The following KIAA1328 variants were observed in gnomAD, a reference collection of about 807,000 sequenced individuals.
The protein encoded by KIAA1328 is KIAA1328.
Under a neutral mutation model 68.1 loss-of-function variants are expected in KIAA1328, and 52 were observed. The ratio of observed to expected loss-of-function variants is 0.76; its 90% CI spans 0.61 to 0.96. The LOEUF (loss-of-function observed/expected upper bound fraction) is 0.96, where lower values mean the gene tolerates loss of function less well. KIAA1328 is among the 40% of genes least tolerant of loss of function. The pLI, the probability that KIAA1328 is intolerant of heterozygous loss-of-function variation, is 0.00. For missense variants in KIAA1328, 641 were observed against 677.6 expected (o/e 0.95, Z 0.60); for synonymous variants, 232 against 239.4 (o/e 0.97, Z 0.28).
At chr18:36,963,339 G>A (rs983615541) in intron 6 of KIAA1328, among the ~76,000 whole-genome samples, 1 of 152,166 alleles carries the variant, frequency 6.6e-6, no homozygotes, top group Admixed American at 6.5e-5. Flanking sequence ...GCATGACATA[G>A]ATGTGTGAAG....
intron 4 of KIAA1328, among the ~76,000 whole-genome samples, chr18:36,883,266 G>C (rs1475283734): frequency 6.6e-6 from 1 of 152,120 alleles, no homozygotes; most frequent in African/African-American, 2.4e-5. Context: ...AATGTTTTGA[G>C]CACTGGCGTG....
intron 8 of KIAA1328, among the ~76,000 whole-genome samples, chr18:37,168,234 G>A (rs2059429254): frequency 6.6e-6 from 1 of 152,236 alleles, no homozygotes; most frequent in African/African-American, 2.4e-5. Context: ...CCAAGGACAA[G>A]GAGAGGTATT....
intron 6 of KIAA1328, among the ~76,000 whole-genome samples, chr18:37,037,208 A>T (rs1356721226): frequency 1.3e-5 from 2 of 152,308 alleles, no homozygotes; most frequent in East Asian, 3.9e-4. Context: ...CTTTTCAGCT[A>T]ATCGACTCTA....
At chr18:37,160,144 T>C in intron 7 of KIAA1328, 56 bp from the exon 8 acceptor site, 1 of 1,403,124 alleles carries the variant, frequency 7.1e-7, no homozygotes, top group Non-Finnish European at 9.7e-7. Context: ...TAAATATCTA[T>C]GTGCTCTGTG....
Position 37,223,416 on chromosome 18 carries a change from C to T in KIAA1328, c.*1189C>T. The T allele has an allele frequency of 2.0e-6, 2 of 985,422 alleles. No homozygotes were observed. Among genetic ancestry groups the T allele is most frequent in the South Asian group, 4.7e-5 (1 of 21,292 alleles). 61.0% of individuals were successfully genotyped at this position (985,422 alleles called of 1,614,324 possible). A position where few individuals can be genotyped will look rare whatever the true frequency, so the allele number is the denominator to read the frequency against. On this transcript the variant is annotated 3_prime_UTR_variant, in exon 10 of 10. Transcript: ENST00000280020. ...CTCTTGAGATGGGTCCTTCAGCTTG[C>T]AGTGGTCCCTAGTAGCCTCTCAAGC...
At chr18:36,929,557 G>A (rs973990983) in intron 5 of KIAA1328, among the ~76,000 whole-genome samples, 1 of 152,010 alleles carries the variant, frequency 6.6e-6, no homozygotes, top group Admixed American at 6.5e-5. Flanking sequence ...TCATAGGTAG[G>A]TGTTATGCAC....
intron 8 of KIAA1328, among the ~76,000 whole-genome samples, chr18:37,164,954 A>G (rs1047486050): frequency 3.9e-5 from 6 of 152,270 alleles, no homozygotes; most frequent in Middle Eastern, 3.4e-3. Flanking sequence ...TCCATTTTCA[A>G]TAAATCCTCA....
In KIAA1328 at chr18:37,088,854, G is replaced by A. The variant is rs1272524864; in HGVS notation, c.1232+21309G>A. ...AATGTCAACATATCTCTTATAAAAA[G>A]TAAAACATCAAAGACATATTAAGAA... On this transcript the variant is annotated intron_variant, in intron 7 of 9. Transcript: ENST00000280020. Among the ~76,000 whole-genome samples the A allele has an allele frequency of 2.6e-5, 4 of 152,018 alleles. No homozygotes were observed. The South Asian group carries it at 8.3e-4, about 32-fold the overall frequency.
At chr18:36,929,582 C>A (rs1440260338) in intron 5 of KIAA1328, among the ~76,000 whole-genome samples, 1 of 151,878 alleles carries the variant, frequency 6.6e-6, no homozygotes, top group African/African-American at 2.4e-5. Context: ...TATTAGTGTC[C>A]CCCTAAATTT....
intron 6 of KIAA1328, among the ~76,000 whole-genome samples, chr18:37,054,975 G>T (rs1599100066): frequency 1.3e-5 from 2 of 152,136 alleles, no homozygotes; most frequent in African/African-American, 4.8e-5. Flanking sequence ...CCTTCTGTGT[G>T]CCTATATTCT....
intron 5 of KIAA1328, among the ~76,000 whole-genome samples, chr18:36,910,546 C>G (rs562869713): frequency 6.6e-6 from 1 of 152,236 alleles, no homozygotes; most frequent in African/African-American, 2.4e-5. Context: ...AGTTTGAAGT[C>G]AGGTAGCGTG....
chr18:36,890,961 G>A (rs545603743), intron 5 of KIAA1328, among the ~76,000 whole-genome samples: 55 of 152,236 alleles, frequency 3.6e-4, no homozygotes, highest in Admixed American at 7.8e-4. Flanking sequence ...GAGCCGAGAA[G>A]GAAGTGATTA....
At position 37,173,045 on chromosome 18, in the gene KIAA1328, C is replaced by T. The variant is rs1170695526; in HGVS notation, c.1487C>T (p.Thr496Ile). Residue 496 changes from threonine to isoleucine, a missense_variant, in exon 9 of 10, where the codon ACC becomes ATC. Coordinates refer to ENST00000280020, the MANE Select transcript of KIAA1328 (RefSeq NM_020776.3). ...MPTGSLKDFV[T>I]TASPSLQHTT... The stretch of plus-strand genomic sequence containing the variant: ...ACAGGAAGCCTAAAGGATTTTGTCA[C>T]CACAGCCTCACCATCATTACAGCAC... 1.9e-6 allele frequency: 3 copies of T among 1,613,488 alleles called. No individual in the cohort carries two copies. Among genetic ancestry groups the T allele is most frequent in the Non-Finnish European group, 2.5e-6 (3 of 1,179,552 alleles).
intron 6 of KIAA1328, among the ~76,000 whole-genome samples, chr18:36,974,541 C>T (rs1383643078): frequency 1.3e-5 from 2 of 152,114 alleles, no homozygotes; most frequent in East Asian, 1.9e-4. Context: ...TTTTTCTAAT[C>T]ATCCATTGAT....
chr18:37,185,720 T>TACACAC (rs34348149), intron 9 of KIAA1328, among the ~76,000 whole-genome samples: 377 of 149,584 alleles, frequency 2.5e-3, no homozygotes, highest in African/African-American at 8.8e-3. Context: ...TACTGATATA[T>TACACAC]ACACACACAC....
intron 6 of KIAA1328, among the ~76,000 whole-genome samples, chr18:37,021,902 T>C (rs322635): frequency 0.73 from 111,180 of 151,742 alleles, 43,879 homozygotes; most frequent in South Asian, 0.89. Context: ...TAGCTGGACA[T>C]GGTGGCGGGT....
intron 4 of KIAA1328, among the ~76,000 whole-genome samples, chr18:36,853,711 T>C (rs1018210336): frequency 9.2e-5 from 14 of 152,094 alleles, no homozygotes; most frequent in African/African-American, 3.4e-4. Context: ...CAGGCTGGAG[T>C]GCAATGGCAC....
chr18:37,155,005 T>C (rs2059123646), intron 7 of KIAA1328, among the ~76,000 whole-genome samples: 1 of 152,206 alleles, frequency 6.6e-6, no homozygotes, highest in African/African-American at 2.4e-5. Flanking sequence ...GATTGAGCTC[T>C]CACACTGCTT....
chr18:37,052,379 A>G (rs1307980254), intron 6 of KIAA1328, among the ~76,000 whole-genome samples: 1 of 152,170 alleles, frequency 6.6e-6, no homozygotes, highest in Non-Finnish European at 1.5e-5. Flanking sequence ...ATACACCGCA[A>G]ACATCTTACC....
Sources: allele counts gnomAD v4.1 joint callset (sites outside exome capture counted in the v4.1 genomes callset), GRCh38; gene constraint gnomAD v4.1.1; transcripts MANE v1.5; gene names NCBI Gene and HGNC (gene_info 2026-07-23, HGNC 2026-07-21).